The following ELN variants were observed in gnomAD, a reference collection of about 807,000 sequenced individuals.
ELN encodes tropoelastin.
In ELN, 65 loss-of-function variants were observed where a neutral mutation model predicts 105.8. The ratio of observed to expected loss-of-function variants is 0.61; its 90% CI spans 0.50 to 0.75. The LOEUF (loss-of-function observed/expected upper bound fraction) is 0.75. Among genes scored for constraint, ELN ranks in the 30% least tolerant of loss-of-function variants. The pLI is 0.00. For missense variants in ELN, 882 were observed against 969.4 expected, an observed-to-expected ratio of 0.91 and a Z score of 1.20; for synonymous variants, 368 against 389.2, an observed-to-expected ratio of 0.95 and a Z score of 0.64.
At chr7:74,065,848 T>A in intron 30 of ELN, 96 bp from the exon 31 acceptor site, 2 of 1,611,658 alleles carry the variant, frequency 1.2e-6, no homozygotes, top group Non-Finnish European at 1.7e-6. Flanking sequence ...CCTGAAGATC[T>A]TGTCTGGGAC....
Position 74,063,318 on chromosome 7 carries a change from C to T in ELN, c.1867C>T (p.Pro623Ser), listed in dbSNP as rs1797112070. 1.3e-6 allele frequency: 2 copies of T among 1,550,520 alleles called. No individual in the cohort carries two copies. The highest frequency in any genetic ancestry group is 1.7e-6 in the Non-Finnish European group (2 of 1,148,254). ...TCGGTCTGTGTTCCCAGGAGCCGGA[C>T]CCGCCGCCGCCGCTGCCGCAGCCAA... ...GIPGGVVGAGPAAAAAAAKAA... is the reference protein window; with the variant it reads ...GIPGGVVGAGSAAAAAAAKAA... Residue 623 changes from proline (P) to serine (S), a missense_variant, in exon 28 of 33, where the codon CCC becomes TCC. Coordinates refer to ENST00000252034, the MANE Select transcript of ELN (RefSeq NM_000501.4). This position sits in a 1 kb window ranked among gnomAD's most constrained non-coding sequence, Gnocchi z 4.1.
chr7:74,032,294 C>T (rs1788877142), intron 1 of ELN, among the ~76,000 whole-genome samples: 1 of 152,196 alleles, frequency 6.6e-6, no homozygotes, highest in Non-Finnish European at 1.5e-5. Context: ...TCAGGGAGAG[C>T]CGTGGGCTCG....
intron 1 of ELN, among the ~76,000 whole-genome samples, chr7:74,029,286 T>G (rs1788130064): frequency 6.6e-6 from 1 of 152,064 alleles, no homozygotes. Flanking sequence ...GCAGAGGCAG[T>G]GTGGCTGAGA....
intron 21 of ELN, among the ~76,000 whole-genome samples, chr7:74,056,934 A>G (rs1583913010): frequency 7.1e-6 from 1 of 141,348 alleles, no homozygotes; most frequent in Non-Finnish European, 1.6e-5. Context: ...CCCACCCCCC[A>G]CCCCCAGAAT....
chr7:74,066,710 C>T, intron 31 of ELN, 22 bp from the exon 32 acceptor site: 1 of 1,613,864 alleles, frequency 6.2e-7, no homozygotes, highest in Non-Finnish European at 8.5e-7. Context: ...ACCAACCCAC[C>T]AACCTGAAAT....
chr7:74,041,515 T>A (rs991685046), intron 5 of ELN, among the ~76,000 whole-genome samples: 1 of 151,406 alleles, frequency 6.6e-6, no homozygotes, highest in Non-Finnish European at 1.5e-5. Context: ...CCCAAGGGAG[T>A]CGCTTAACTC....
At position 74,035,400 on chromosome 7, in the gene ELN, G is replaced by A; in HGVS notation, c.119G>A (p.Gly40Glu). ...GCCATTCCTGGTGGAGTTCCTGGAG[G>A]AGTCTTTTATCCAGGTAACGTACAT... The part of the protein sequence containing the change: ...PGAIPGGVPG[G>E]VFYPGAGLGA... Residue 40 changes from glycine (G) to glutamate (E), a missense_variant, in exon 2 of 33, where the codon GGA (glycine) becomes GAA (glutamate). Transcript: ENST00000252034. 1 of 1,614,080 alleles carries A rather than the reference G, an allele frequency of 6.2e-7. No individual in the cohort carries two copies. Among genetic ancestry groups the A allele is most frequent in the African/African-American group, 1.3e-5 (1 of 75,008 alleles).
intron 22 of ELN, among the ~76,000 whole-genome samples, chr7:74,059,164 T>C (rs2528795): frequency 0.26 from 40,243 of 151,932 alleles, 6,227 homozygotes; most frequent in African/African-American, 0.42. Flanking sequence ...AGCCAACGTG[T>C]CTGGCCTACA....
chr7:74,043,802 G>T, intron 8 of ELN, 77 bp from the exon 9 acceptor site: 1 of 1,583,076 alleles, frequency 6.3e-7, no homozygotes, highest in Non-Finnish European at 8.6e-7. Flanking sequence ...CCTTGGAGCT[G>T]CCTGGGTGGG....
At chr7:74,065,147 G>A (rs1343656823) in intron 29 of ELN, among the ~76,000 whole-genome samples, 1 of 152,126 alleles carries the variant, frequency 6.6e-6, no homozygotes, top group Non-Finnish European at 1.5e-5. Flanking sequence ...TACTTGGGAG[G>A]CTGAGGCAGG....
intron 12 of ELN, 65 bp from the exon 13 acceptor site, chr7:74,047,609 AC>A: frequency 6.2e-7 from 1 of 1,606,268 alleles, no homozygotes; most frequent in Non-Finnish European, 8.5e-7. Context: ...AGATCTGTCC[AC>A]CCAGGTTGGT....
chr7:74,036,526 T>A, intron 2 of ELN, 29 bp from the exon 3 acceptor site: 1 of 1,613,580 alleles, frequency 6.2e-7, no homozygotes, highest in Non-Finnish European at 8.5e-7. Context: ...GTACCGATGA[T>A]CTCTCTTTCT....
At chr7:74,036,705 G>T in intron 3 of ELN, 121 bp downstream of exon 3, 2 of 1,424,966 alleles carry the variant, frequency 1.4e-6, no homozygotes, top group South Asian at 1.2e-5. Context: ...TCATTTCACA[G>T]ACAGCATCCA....
chr7:74,051,571 G>A (rs902462908), intron 15 of ELN, among the ~76,000 whole-genome samples, 179 bp from the exon 16 acceptor site: 2 of 152,184 alleles, frequency 1.3e-5, no homozygotes, highest in Admixed American at 1.3e-4. Context: ...CACTTTGGGG[G>A]AGAGTCAAGG....
Position 74,045,519 on chromosome 7 carries a change from G to A in ELN, c.541+226G>A, listed in dbSNP as rs183980013. Among the ~76,000 whole-genome samples the A allele has an allele frequency of 3.2e-3, 488 of 152,190 alleles. 3 individuals are homozygous for A. The highest frequency in any genetic ancestry group is 0.011 in the African/African-American group (453 of 41,530). ...TTTGGGAGGGTGAGCTGGGAGGATC[G>A]CTTGAGCCCAGGAGTTAAAGACCAG... On this transcript the variant is annotated intron_variant, in intron 10 of 32. Transcript: ENST00000252034.
chr7:74,033,381 C>T (rs1009917210), intron 1 of ELN, among the ~76,000 whole-genome samples: 28 of 152,206 alleles, frequency 1.8e-4, no homozygotes, highest in Non-Finnish European at 3.8e-4. Context: ...CAGAGAAAGA[C>T]GCATAAGAGA....
chr7:74,046,311 G>A, intron 11 of ELN, 94 bp downstream of exon 11: 2 of 1,571,190 alleles, frequency 1.3e-6, no homozygotes, highest in Non-Finnish European at 1.7e-6. Context: ...ATCCAAGCCT[G>A]CCCAATTTCT....
chr7:74,048,255 C>T, intron 14 of ELN, 54 bp downstream of exon 14: 2 of 1,611,394 alleles, frequency 1.2e-6, no homozygotes, highest in African/African-American at 1.3e-5. Context: ...CTTCCAGGCT[C>T]CAGAGCCCTG....
chr7:74,056,832 G>A (rs989561175), intron 21 of ELN, 119 bp downstream of exon 21: 11 of 1,305,734 alleles, frequency 8.4e-6, no homozygotes, highest in African/African-American at 2.9e-5. Flanking sequence ...CCAAGGTCAC[G>A]AGGCCCCTGC....
Sources: gnomAD v4.1 joint callset for allele counts (sites outside exome capture counted in the v4.1 genomes callset) on GRCh38, gnomAD v4.1.1 for gene constraint, Gnocchi (gnomAD v3.1) non-coding constraint, MANE v1.5 for transcripts, NCBI Gene and HGNC (gene_info 2026-07-23, HGNC 2026-07-21) for gene names.